MGST1: variants seen among roughly 807,000 people sequenced by gnomAD.
MGST1 encodes the protein microsomal glutathione S-transferase 1.
In MGST1, 5 loss-of-function variants were observed where a neutral mutation model predicts 8.9. That is an observed-to-expected ratio of 0.56 (90% CI 0.29 to 1.19). The LOEUF (loss-of-function observed/expected upper bound fraction) is 1.19. Ranked by LOEUF, MGST1 falls within the 50% of genes most tolerant of loss-of-function variation. The probability of loss-of-function intolerance (pLI) is 0.08; values close to 1 mark genes in which losing one functional copy is unlikely to be tolerated. For synonymous variants in MGST1, 54 were observed against 67.8 expected (o/e 0.80, Z 1.00); for missense variants, 182 against 187.4 (o/e 0.97, Z 0.17).
At chr12:16,450,925 TA>T in intron 4 of MGST1, among the ~76,000 whole-genome samples, 1 of 151,750 alleles carries the variant, frequency 6.6e-6, no homozygotes, top group East Asian at 2.0e-4. Flanking sequence ...AGCTCAAAGT[TA>T]GTACAATTAT....
At chr12:16,471,706 A>T (rs1450543049) in intron 4 of MGST1, among the ~76,000 whole-genome samples, 1 of 152,206 alleles carries the variant, frequency 6.6e-6, no homozygotes, top group East Asian at 1.9e-4. Flanking sequence ...CTTTATACTA[A>T]ATTTACTATT....
At chr12:16,543,494 T>A (rs1941803981) in intron 4 of MGST1, among the ~76,000 whole-genome samples, 1 of 152,138 alleles carries the variant, frequency 6.6e-6, no homozygotes, top group Non-Finnish European at 1.5e-5. Flanking sequence ...CCATGCCTGA[T>A]GCTCATCCAA....
chr12:16,572,792 T>C (rs1942860417), intron 4 of MGST1, among the ~76,000 whole-genome samples: 1 of 150,930 alleles, frequency 6.6e-6, no homozygotes, highest in Non-Finnish European at 1.5e-5. Flanking sequence ...GACCAACCAC[T>C]TTGGGAAAAC....
intron 4 of MGST1, among the ~76,000 whole-genome samples, chr12:16,527,982 G>A (rs1270823491): frequency 6.6e-6 from 1 of 151,984 alleles, no homozygotes; most frequent in African/African-American, 2.4e-5. Flanking sequence ...AGTTTGCAGA[G>A]CCAGGCAATA....
At chr12:16,375,873 A>G (rs1940371266) in intron 3 of MGST1, among the ~76,000 whole-genome samples, 1 of 151,924 alleles carries the variant, frequency 6.6e-6, no homozygotes, top group Non-Finnish European at 1.5e-5. Context: ...TAATGATGCT[A>G]TTCAATACAA....
intron 4 of MGST1, among the ~76,000 whole-genome samples, chr12:16,498,948 A>G (rs1771269530): frequency 6.6e-6 from 1 of 152,302 alleles, no homozygotes; most frequent in Non-Finnish European, 1.5e-5. Context: ...GGGTTATACT[A>G]AGATACAAAG....
intron 1 of MGST1, among the ~76,000 whole-genome samples, chr12:16,426,987 A>T (rs909788869): frequency 6.6e-6 from 1 of 151,242 alleles, no homozygotes; most frequent in African/African-American, 2.4e-5. Context: ...AAAAAAAAAA[A>T]GCTGAACAAA....
At chr12:16,400,946 A>G (rs1415515759) in intron 1 of MGST1, 1 of 1,338,620 alleles carries the variant, frequency 7.5e-7, no homozygotes, top group Non-Finnish European at 1.1e-6. Context: ...TTGTTCAGTC[A>G]GTCACCTCTT....
rs1191136057 is a variant in MGST1, at chr12:16,537,221, A to C, written n.483-52307A>C. On this transcript the variant is annotated intron_variant and non_coding_transcript_variant, in intron 4 of 4. Transcript: ENST00000538857. This position sits in a 1 kb window ranked among gnomAD's most constrained non-coding sequence, Gnocchi z 4.6. The stretch of plus-strand genomic sequence containing the variant: ...AATCCAGTGGGGCAGTCAAATTTTA[A>C]AGCTCCAAAATTATTTCCTTTGACT... 6.6e-6 allele frequency among the ~76,000 whole-genome samples: 1 copy of C among 152,158 alleles called. No individual in the cohort carries two copies. The highest frequency in any genetic ancestry group is 2.4e-5 in the African/African-American group (1 of 41,442).
intron 4 of MGST1, among the ~76,000 whole-genome samples, chr12:16,556,918 A>T (rs1387170439): frequency 1.3e-5 from 2 of 152,180 alleles, no homozygotes; most frequent in Non-Finnish European, 2.9e-5. Flanking sequence ...GTAATAAATG[A>T]AGCGAACACA....
At chr12:16,382,704 G>C (rs981532018), upstream of MGST1, 1 of 153,140 alleles carries the variant, frequency 6.5e-6, no homozygotes, top group African/African-American at 2.4e-5. Flanking sequence ...AGGTTACTGC[G>C]GTCTTTTTGT....
At chr12:16,421,863 G>C (rs1247992013) in intron 1 of MGST1, among the ~76,000 whole-genome samples, 1 of 152,140 alleles carries the variant, frequency 6.6e-6, no homozygotes, top group Non-Finnish European at 1.5e-5. Context: ...GACTACAGGG[G>C]TCCAATGTAA....
At chr12:16,463,208 AG>A (rs1941232456) in intron 4 of MGST1, among the ~76,000 whole-genome samples, 1 of 151,932 alleles carries the variant, frequency 6.6e-6, no homozygotes, top group South Asian at 2.1e-4. Flanking sequence ...TTTAGAGATG[AG>A]GTTTTCTCCG....
At chr12:16,394,219 A>G (rs1940578509) in intron 1 of MGST1, among the ~76,000 whole-genome samples, 1 of 152,204 alleles carries the variant, frequency 6.6e-6, no homozygotes, top group Admixed American at 6.5e-5. Context: ...TGAATGATTA[A>G]TAGTATCCCA....
chr12:16,512,102 C>T (rs917020093), intron 4 of MGST1, among the ~76,000 whole-genome samples: 3 of 152,130 alleles, frequency 2.0e-5, no homozygotes, highest in African/African-American at 7.2e-5. Flanking sequence ...ACTTTGTCAG[C>T]ATGCAGCTAA....
At chr12:16,424,209 G>A (rs983332065) in intron 1 of MGST1, among the ~76,000 whole-genome samples, 2 of 152,212 alleles carry the variant, frequency 1.3e-5, no homozygotes, top group Non-Finnish European at 1.5e-5. Context: ...CACCTTCTTT[G>A]TGAAGGATAT....
At chr12:16,495,610 T>C (rs1213045812) in intron 4 of MGST1, among the ~76,000 whole-genome samples, 2 of 152,074 alleles carry the variant, frequency 1.3e-5, no homozygotes, top group Non-Finnish European at 2.9e-5. Context: ...GGATAAATTT[T>C]CCAACCGGAA....
At chr12:16,475,461 G>T (rs1358933354) in intron 4 of MGST1, among the ~76,000 whole-genome samples, 1 of 152,150 alleles carries the variant, frequency 6.6e-6, no homozygotes, top group Admixed American at 6.6e-5. Context: ...GATTCCCATT[G>T]CTTTTGATGA....
intron 1 of MGST1, among the ~76,000 whole-genome samples, chr12:16,407,761 CA>C (rs1046660025): frequency 2.0e-4 from 30 of 152,022 alleles, no homozygotes; most frequent in African/African-American, 7.2e-4. Flanking sequence ...TGGCCGATTG[CA>C]GTGGCTCACA....
Sources: allele counts gnomAD v4.1 joint callset (sites outside exome capture counted in the v4.1 genomes callset), GRCh38; gene constraint gnomAD v4.1.1; non-coding constraint Gnocchi (gnomAD v3.1); transcripts MANE v1.5; gene names NCBI Gene and HGNC (gene_info 2026-07-23, HGNC 2026-07-21).